Variants in SETD6 observed in about 807,000 individuals in gnomAD.
SETD6 encodes N-lysine methyltransferase SETD6.
SETD6 carries 67 observed loss-of-function variants against 52.7 expected under a neutral mutation model. That is an observed-to-expected ratio of 1.27 (90% CI 1.04 to 1.56). The LOEUF (loss-of-function observed/expected upper bound fraction) is 1.56. SETD6 is among the 40% of genes most tolerant of loss of function. The pLI, the probability that SETD6 is intolerant of heterozygous loss-of-function variation, is 0.00. For missense variants in SETD6, 712 were observed against 607.5 expected, an observed-to-expected ratio of 1.17 and a Z score of -1.81; for synonymous variants, 307 against 250.2, an observed-to-expected ratio of 1.23 and a Z score of -2.14.
chr16:58,517,719 G>A, intron 5 of SETD6: 1 of 340,432 alleles, frequency 2.9e-6, no homozygotes. Flanking sequence ...CAGGTGATCT[G>A]CCCACTTTGA....
rs551338580 is a variant in SETD6, at chr16:58,518,410, C to T, written c.983C>T (p.Thr328Ile). The change falls in exon 7 of 8, where the codon ACT becomes ATT. Residue 328 changes from threonine (T) to isoleucine (I), a missense_variant. By Grantham distance (89) the Thr-to-Ile change is moderately conservative. Transcript: ENST00000219315. ...VREAALQGTK[T>I]EAERHLVYER... ...GCTGTTTCATCTACAGGAACAAAAA[C>T]TGAAGCTGAAAGGCACCTAGTGTAC... The T allele has an allele frequency of 1.3e-6, 2 of 1,580,782 alleles. No homozygotes were observed. The highest frequency in any genetic ancestry group is 4.1e-5 in the Admixed American group (2 of 48,904).
Position 58,520,777 on chromosome 16 carries a change from T to G in SETD6, c.*1748T>G. The G allele has an allele frequency of 1.6e-6, 1 of 620,870 alleles. No individual in the cohort carries two copies. Among genetic ancestry groups the G allele is most frequent in the Non-Finnish European group, 2.8e-6 (1 of 360,982 alleles). The allele number at this position is 620,870 out of a possible 1,614,324, so 38.5% of individuals were successfully genotyped here. Reference sequence around the variant, plus strand: ...TTTGGCCAAGAGTCAAAAAAATGCATTTAAACTTTGGAACGTGCCCACATA... The same window carrying G: ...TTTGGCCAAGAGTCAAAAAAATGCAGTTAAACTTTGGAACGTGCCCACATA... On this transcript the variant is annotated 3_prime_UTR_variant, in exon 8 of 8. Coordinates refer to ENST00000219315, the MANE Select transcript of SETD6 (RefSeq NM_001160305.4).
At position 58,523,571 on chromosome 16, in the gene SETD6, G is replaced by A; in HGVS notation, c.*4542G>A. The A allele has an allele frequency of 2.7e-6, 4 of 1,486,220 alleles. No homozygotes were observed. Among genetic ancestry groups the A allele is most frequent in the Non-Finnish European group, 3.7e-6 (4 of 1,089,210 alleles). The allele number at this position is 1,486,220 out of a possible 1,614,324, so 92.1% of individuals were successfully genotyped here. A position where few individuals can be genotyped will look rare whatever the true frequency, so the allele number is the denominator to read the frequency against. On this transcript the variant is annotated 3_prime_UTR_variant, in exon 8 of 8. Transcript: ENST00000219315. ...CAACATGGGAAGACAGTTCTAACTG[G>A]CTAGGGTTTGGGTTTCTGACAGAGG...
At chr16:58,516,406 GC>G in intron 3 of SETD6, 63 bp downstream of exon 3, 2 of 1,612,528 alleles carry the variant, frequency 1.2e-6, no homozygotes, top group Non-Finnish European at 1.7e-6. Flanking sequence ...AAGTTTCCCC[GC>G]CCCTGCACCA....
chr16:58,517,998 T>G, intron 5 of SETD6, 53 bp from the exon 6 acceptor site: 1 of 1,611,676 alleles, frequency 6.2e-7, no homozygotes, highest in Non-Finnish European at 8.5e-7. Context: ...GAAATAATCT[T>G]CATGGGGCTG....
At chr16:58,517,126 CT>C in intron 5 of SETD6, 198 bp downstream of exon 5, 1 of 720,552 alleles carries the variant, frequency 1.4e-6, no homozygotes, top group Non-Finnish European at 2.3e-6. Flanking sequence ...GGTTAATCCT[CT>C]GATAAACTAT....
chr16:58,522,757 C>T lies in SETD6; in HGVS notation c.*3728C>T, dbSNP rs370592655. Among the ~76,000 whole-genome samples, 7 of 152,196 alleles carry T rather than the reference C, an allele frequency of 4.6e-5. No homozygotes were observed. In the East Asian group the frequency reaches 1.2e-3, roughly 25 times the overall value. ...CATGATTTAGGACTGGTTATCACCACCACCTCAGAGAAACTCCTGACCTTT... is the reference window on the plus strand; with the variant it reads ...CATGATTTAGGACTGGTTATCACCATCACCTCAGAGAAACTCCTGACCTTT... On this transcript the variant is annotated 3_prime_UTR_variant, in exon 8 of 8. Transcript: ENST00000219315.
rs1032485058 is a variant in SETD6, at chr16:58,516,494, C to T, written c.493C>T (p.Arg165Trp). The change falls in exon 4 of 8, where the codon CGG (arginine) becomes TGG (tryptophan). Residue 165 changes from arginine (R) to tryptophan (W), a missense_variant. Arg to Trp is a moderately radical substitution (Grantham distance 101). Coordinates refer to ENST00000219315, the MANE Select transcript of SETD6 (RefSeq NM_001160305.4). ...HPMFWPEEER[R>W]CLLQGTGVPE... ...TCCCTGCAGGCCAGAGGAGGAGCGC[C>T]GGTGCCTGCTCCAGGGCACAGGCGT... is the stretch of plus-strand genomic sequence containing the variant. The T allele has an allele frequency of 5.0e-6, 8 of 1,613,818 alleles. No individual in the cohort carries two copies. The East Asian group carries it at 8.9e-5, about 18-fold the overall frequency.
In SETD6 at chr16:58,523,237, T is replaced by C; in HGVS notation, c.*4208T>C. The C allele has an allele frequency of 1.1e-6, 1 of 903,460 alleles. No individual in the cohort carries two copies. The highest frequency in any genetic ancestry group is 2.2e-5 in the South Asian group (1 of 44,490). 56.0% of individuals were successfully genotyped at this position (903,460 alleles called of 1,614,324 possible). A position where few individuals can be genotyped will look rare whatever the true frequency, so the allele number is the denominator to read the frequency against. On this transcript the variant is annotated 3_prime_UTR_variant, in exon 8 of 8. Transcript: ENST00000219315. ...TGCAGACTGAGTGACAGAGCAACAC[T>C]CCGTCTCAAAAAAACAAAAAAAAAA...
rs1490274770 is a variant in SETD6, at chr16:58,523,551, T to A, written c.*4522T>A. 6.3e-7 allele frequency: 1 copy of A among 1,593,996 alleles called. No homozygotes were observed. The highest frequency in any genetic ancestry group is 8.6e-7 in the Non-Finnish European group (1 of 1,165,866). On this transcript the variant is annotated 3_prime_UTR_variant, in exon 8 of 8. Coordinates refer to ENST00000219315, the MANE Select transcript of SETD6 (RefSeq NM_001160305.4). ...TAGGACTTAGTCTGAAAGGCCAACA[T>A]GGGAAGACAGTTCTAACTGGCTAGG...
rs923607724 is a variant in SETD6, at chr16:58,523,231, C to G, written c.*4202C>G. On this transcript the variant is annotated 3_prime_UTR_variant, in exon 8 of 8. Transcript: ENST00000219315. ...CTGTACTGCAGACTGAGTGACAGAG[C>G]AACACTCCGTCTCAAAAAAACAAAA... The G allele has an allele frequency of 1.2e-6, 1 of 820,762 alleles. No homozygotes were observed. The highest frequency in any genetic ancestry group is 1.8e-6 in the Non-Finnish European group (1 of 560,528). 50.8% of individuals were successfully genotyped at this position (820,762 alleles called of 1,614,324 possible).
In SETD6 at chr16:58,515,545, C is replaced by T. The variant is rs191862325; in HGVS notation, c.8C>T (p.Thr3Ile). 1,122 of 1,588,640 alleles carry T rather than the reference C, an allele frequency of 7.1e-4. No homozygotes were observed. The highest frequency in any genetic ancestry group is 9.1e-4 in the Non-Finnish European group (1,068 of 1,171,834). ...GAAACGCGCTCTTAGACCATGGCGA[C>T]CCAGGCGAAGCGTCCACGGGTGAGT... MATQAKRPRVAGP... is the reference protein window; with the variant it reads MAIQAKRPRVAGP... Residue 3 changes from threonine (T) to isoleucine (I), a missense_variant, in exon 1 of 8, where the codon ACC becomes ATC. Coordinates refer to ENST00000219315, the MANE Select transcript of SETD6 (RefSeq NM_001160305.4).
rs1447776519 is a variant in SETD6 at position 58,516,566 on chromosome 16, C to T, written c.565C>T (p.Gln189Ter). 12 of 1,614,174 alleles carry T rather than the reference C, an allele frequency of 7.4e-6. No individual in the cohort carries two copies. The highest frequency in any genetic ancestry group is 1.0e-5 in the Non-Finnish European group (12 of 1,180,022). ...TTTGGCCAACATCCGCAGCGAGTACCAGTCCATCGTGCTGCCCTTCATGGA... is the reference window on the plus strand; with the variant it reads ...TTTGGCCAACATCCGCAGCGAGTACTAGTCCATCGTGCTGCCCTTCATGGA... ...KDLANIRSEYQSIVLPFMEAH... is the reference protein window; with the variant it reads ...KDLANIRSEY The change falls in exon 4 of 8, where the codon CAG becomes TAG. Residue 189 changes from glutamine to a stop codon, truncating the protein, a stop_gained. Transcript: ENST00000219315. LOFTEE classifies it high-confidence loss of function.
rs1308243969 is a variant in SETD6, at chr16:58,520,520, A to C, written c.*1491A>C. 5.8e-6 allele frequency: 1 copy of C among 171,784 alleles called. No individual in the cohort carries two copies. Among genetic ancestry groups the C allele is most frequent in the Non-Finnish European group, 1.3e-5 (1 of 78,614 alleles). 10.6% of individuals were successfully genotyped at this position (171,784 alleles called of 1,614,324 possible). A position where few individuals can be genotyped will look rare whatever the true frequency, so the allele number is the denominator to read the frequency against. ...CCTGTCCACATTAAAAAAATAAGTT[A>C]CATAATATTCAAACTGGCTTTTTGC... On this transcript the variant is annotated 3_prime_UTR_variant, in exon 8 of 8. Coordinates refer to ENST00000219315, the MANE Select transcript of SETD6 (RefSeq NM_001160305.4).
In SETD6 at chr16:58,520,610, T is replaced by C. The variant is rs905169825; in HGVS notation, c.*1581T>C. On this transcript the variant is annotated 3_prime_UTR_variant, in exon 8 of 8. Coordinates refer to ENST00000219315, the MANE Select transcript of SETD6 (RefSeq NM_001160305.4). Reference sequence around the variant, plus strand: ...TATGCCCTCAGACAAGTGCATGGCATCAGCTGCCTCTTCATTACAAGGTAC... The same window carrying C: ...TATGCCCTCAGACAAGTGCATGGCACCAGCTGCCTCTTCATTACAAGGTAC... 2 of 263,070 alleles carry C rather than the reference T, an allele frequency of 7.6e-6. No individual in the cohort carries two copies. Among genetic ancestry groups the C allele is most frequent in the Non-Finnish European group, 1.5e-5 (2 of 134,438 alleles). The allele number at this position is 263,070 out of a possible 1,614,324, so 16.3% of individuals were successfully genotyped here.
rs2039307992 is a variant in SETD6, at chr16:58,520,001, A to G, written c.*972A>G. ...CTACAGTATGCATACACATACAAGA[A>G]GTAGGGGAGCTGAAGCCCAGGAAAA... On this transcript the variant is annotated 3_prime_UTR_variant, in exon 8 of 8. Transcript: ENST00000219315. The G allele has an allele frequency of 6.6e-6, 1 of 152,226 alleles. No individual in the cohort carries two copies. Among genetic ancestry groups the G allele is most frequent in the Non-Finnish European group, 1.5e-5 (1 of 68,040 alleles). The allele number at this position is 152,226 out of a possible 1,614,324, so 9.4% of individuals were successfully genotyped here. A position where few individuals can be genotyped will look rare whatever the true frequency, so the allele number is the denominator to read the frequency against.
chr16:58,520,649 T>TG lies in SETD6; in HGVS notation c.*1621dup, dbSNP rs1367325483. ...ATTACAAGGTACCAGTTTATGTACT[T>TG]GCCTTGGACACAGCTTGCACAAAGC... is the stretch of plus-strand genomic sequence containing the variant. On this transcript the variant is annotated 3_prime_UTR_variant, in exon 8 of 8. Transcript: ENST00000219315. 8 of 366,882 alleles carry TG rather than the reference T, an allele frequency of 2.2e-5. No homozygotes were observed. The highest frequency in any genetic ancestry group is 4.1e-5 in the Non-Finnish European group (8 of 196,126). The allele number at this position is 366,882 out of a possible 1,614,324, so 22.7% of individuals were successfully genotyped here. A position where few individuals can be genotyped will look rare whatever the true frequency, so the allele number is the denominator to read the frequency against.
At position 58,521,088 on chromosome 16, in the gene SETD6, T is replaced by C. The variant is rs373873506; in HGVS notation, c.*2059T>C. 3.2e-5 allele frequency: 51 copies of C among 1,613,628 alleles called. No homozygotes were observed. In the African/African-American group the frequency reaches 6.4e-4, roughly 20 times the overall value. Reference sequence around the variant, plus strand: ...TCTGATTAAAGAGTAGGCCTAACAATACCTTGCATCTCATTCAGCTGACCC... The same window carrying C: ...TCTGATTAAAGAGTAGGCCTAACAACACCTTGCATCTCATTCAGCTGACCC... On this transcript the variant is annotated 3_prime_UTR_variant, in exon 8 of 8. Transcript: ENST00000219315.
chr16:58,518,348 A>G, intron 6 of SETD6, 53 bp from the exon 7 acceptor site: 4 of 1,588,646 alleles, frequency 2.5e-6, no homozygotes, highest in African/African-American at 1.4e-5. Flanking sequence ...AGACTAAAGA[A>G]GAAATGAACC....
Sources: allele counts gnomAD v4.1 joint callset (sites outside exome capture counted in the v4.1 genomes callset), GRCh38; gene constraint gnomAD v4.1.1; transcripts MANE v1.5; gene names NCBI Gene and HGNC (gene_info 2026-07-23, HGNC 2026-07-21).